PRKCD: variants seen among roughly 807,000 people sequenced by gnomAD.
The protein encoded by PRKCD is protein kinase C delta.
Under a neutral mutation model 82.2 loss-of-function variants are expected in PRKCD, and 20 were observed. That is an observed-to-expected ratio of 0.24 (90% CI 0.17 to 0.35). The LOEUF is 0.35. Ranked by LOEUF, PRKCD falls within the 10% of genes least tolerant of loss-of-function variation. The pLI, the probability that PRKCD is intolerant of heterozygous loss-of-function variation, is 1.00. For synonymous variants in PRKCD, 317 were observed against 337.0 expected, an observed-to-expected ratio of 0.94 and a Z score of 0.65; for missense variants, 607 against 899.0, an observed-to-expected ratio of 0.68 and a Z score of 4.15.
chr3:53,179,510 C>G (rs778780380), intron 3 of PRKCD, 67 bp from the exon 4 acceptor site: 20 of 1,593,936 alleles, frequency 1.3e-5, no homozygotes, highest in Non-Finnish European at 1.6e-5. Flanking sequence ...AGGGGAAGGC[C>G]GTGGAGGTCT....
chr3:53,183,714 G>A (rs1703558608), intron 9 of PRKCD, 133 bp downstream of exon 9: 3 of 1,314,978 alleles, frequency 2.3e-6, no homozygotes, highest in South Asian at 1.4e-5. Context: ...TGATGAGGGT[G>A]AGGCCTTGGT....
At chr3:53,186,490 A>G in intron 13 of PRKCD, 114 bp from the exon 14 acceptor site, 1 of 1,378,382 alleles carries the variant, frequency 7.3e-7, no homozygotes, top group Non-Finnish European at 1.0e-6. Context: ...AGAGTCGTCC[A>G]CCTCAGCCAG....
rs782458851 is a variant in PRKCD, at chr3:53,189,185, G to T, written c.1682G>T (p.Arg561Leu). Residue 561 changes from arginine (R) to leucine (L), a missense_variant, in exon 17 of 19, where the codon CGT becomes CTT. Arg to Leu is a moderately radical substitution (Grantham distance 102). Around this residue, in one of 5 missense-constraint regions of PRKCD, gnomAD observed 251 missense variants for 423.9 expected, o/e 0.59. Coordinates refer to ENST00000330452, the MANE Select transcript of PRKCD (RefSeq NM_006254.4). ...GAGGATGAACTCTTCGAGTCCATCCGTGTGGACACGCCACATTATCCCCGC... is the reference window on the plus strand; with the variant it reads ...GAGGATGAACTCTTCGAGTCCATCCTTGTGGACACGCCACATTATCCCCGC... The part of the protein sequence containing the change: ...DDEDELFESI[R>L]VDTPHYPRWI... 2 of 1,614,068 alleles carry T rather than the reference G, an allele frequency of 1.2e-6. No homozygotes were observed. The highest frequency in any genetic ancestry group is 2.2e-5 in the South Asian group (2 of 91,072).
In PRKCD at chr3:53,181,187, T is replaced by TGGCCTCTG. The variant is rs1553667366; in HGVS notation, c.316-18_316-11dup. ...TGCCCTCACTGACCTTGTTCTCCCC[T>TGGCCTCTG]GGCCTCTGGCCCCCAACAGCTGGAC... On this transcript the variant is annotated intron_variant, in intron 4 of 18. Coordinates refer to ENST00000330452, the MANE Select transcript of PRKCD (RefSeq NM_006254.4). The TGGCCTCTG allele has an allele frequency of 6.2e-7, 1 of 1,612,128 alleles. No homozygotes were observed. Among genetic ancestry groups the TGGCCTCTG allele is most frequent in the East Asian group, 2.2e-5 (1 of 44,808 alleles).
intron 18 of PRKCD, among the ~76,000 whole-genome samples, chr3:53,191,609 A>G (rs1011506391): frequency 1.1e-4 from 16 of 152,180 alleles, no homozygotes; most frequent in African/African-American, 3.9e-4. Context: ...CTGATAGTAT[A>G]TATTTTAGGC....
At chr3:53,166,477 A>G (rs556584160) in intron 2 of PRKCD, among the ~76,000 whole-genome samples, 1 of 152,330 alleles carries the variant, frequency 6.6e-6, no homozygotes, top group Non-Finnish European at 1.5e-5. Flanking sequence ...GCTAGGCTGC[A>G]GTGGGCATGC....
chr3:53,177,214 T>G (rs1005708643), intron 2 of PRKCD, among the ~76,000 whole-genome samples: 1 of 152,174 alleles, frequency 6.6e-6, no homozygotes, highest in Admixed American at 6.5e-5. Context: ...TGCCTTGAAC[T>G]CTTGGCCTCA....
At position 53,179,653 on chromosome 3, in the gene PRKCD, T is replaced by C. The variant is rs373034483; in HGVS notation, c.192T>C (p.Tyr64=). The part of the protein sequence containing the change: ...EWKSTFDAHI[Y]EGRVIQIVLM... ...AGTCGACGTTCGATGCCCACATCTA[T>C]GAGGGGCGCGTCATCCAGATTGTGC... The change falls in exon 4 of 19, where the codon TAT becomes TAC. Residue 64 remains tyrosine, a synonymous_variant. Transcript: ENST00000330452. 3.1e-6 allele frequency: 5 copies of C among 1,613,850 alleles called. No homozygotes were observed. The highest frequency in any genetic ancestry group is 4.2e-6 in the Non-Finnish European group (5 of 1,179,942).
At position 53,181,913 on chromosome 3, in the gene PRKCD, A is replaced by G. The variant is rs1244432389; in HGVS notation, c.571+181A>G. On this transcript the variant is annotated intron_variant, in intron 7 of 18. Coordinates refer to ENST00000330452, the MANE Select transcript of PRKCD (RefSeq NM_006254.4). ...GGCTGGCTTGCTGCTGCTCTGGAAAACCAGTTCTGCGCATCTCTTCCCAGC... is the reference window on the plus strand; with the variant it reads ...GGCTGGCTTGCTGCTGCTCTGGAAAGCCAGTTCTGCGCATCTCTTCCCAGC... 3 of 904,378 alleles carry G rather than the reference A, an allele frequency of 3.3e-6. No individual in the cohort carries two copies. In the East Asian group the frequency reaches 7.9e-5, roughly 24 times the overall value. 56.0% of individuals were successfully genotyped at this position (904,378 alleles called of 1,614,324 possible).
intron 1 of PRKCD, among the ~76,000 whole-genome samples, chr3:53,162,216 C>A (rs1428944385): frequency 6.6e-6 from 1 of 152,104 alleles, no homozygotes; most frequent in Non-Finnish European, 1.5e-5. Context: ...GTACTCGCCC[C>A]CAACCCAGAT....
intron 2 of PRKCD, among the ~76,000 whole-genome samples, chr3:53,166,516 G>A (rs1410265768): frequency 1.3e-5 from 2 of 152,184 alleles, no homozygotes; most frequent in South Asian, 2.1e-4. Flanking sequence ...GTTCCTGTAC[G>A]TGCACCACAC....
In PRKCD at chr3:53,170,170, G is replaced by A. The variant is rs150161711; in HGVS notation, c.-20+4955G>A. Among the ~76,000 whole-genome samples, 534 of 152,344 alleles carry A rather than the reference G, an allele frequency of 3.5e-3. 4 individuals are homozygous for A. The highest frequency in any genetic ancestry group is 0.012 in the African/African-American group (510 of 41,576). On this transcript the variant is annotated intron_variant, in intron 2 of 18. Transcript: ENST00000330452. ...CTCTGTGGGAGAAAGAAGGGCTAAGGAGTAGGGCTCTTGTACTGGGGGCTG... is the reference window on the plus strand; with the variant it reads ...CTCTGTGGGAGAAAGAAGGGCTAAGAAGTAGGGCTCTTGTACTGGGGGCTG...
intron 18 of PRKCD, among the ~76,000 whole-genome samples, chr3:53,190,310 A>C (rs1703881853): frequency 6.6e-6 from 1 of 152,204 alleles, no homozygotes; most frequent in African/African-American, 2.4e-5. Context: ...TCCCTGTTGA[A>C]TGCAGAGCAC....
chr3:53,171,032 A>T (rs1433025697), intron 2 of PRKCD, among the ~76,000 whole-genome samples: 1 of 151,854 alleles, frequency 6.6e-6, no homozygotes, highest in African/African-American at 2.4e-5. Context: ...TGTGTGTCTA[A>T]TGTCGAGTGG....
chr3:53,187,527 C>G (rs1703754080), intron 15 of PRKCD, 125 bp downstream of exon 15: 7 of 1,150,392 alleles, frequency 6.1e-6, no homozygotes, highest in Non-Finnish European at 8.7e-6. Flanking sequence ...CAATCTTTAG[C>G]TGGGTATTTG....
rs781828807 is a variant in PRKCD, at chr3:53,185,950, A to T, written c.1009A>T (p.Ile337Phe). 1.2e-6 allele frequency: 2 copies of T among 1,614,080 alleles called. No homozygotes were observed. Among genetic ancestry groups the T allele is most frequent in the African/African-American group, 1.3e-5 (1 of 74,934 alleles). ...MQDNSGTYGK[I>F]WEGSSKCNIN... ...AGACAACAGTGGGACCTACGGCAAG[A>T]TCTGGGAGGGCAGCAGCAAGTGCAA... Residue 337 changes from isoleucine (I) to phenylalanine (F), a missense_variant, in exon 12 of 19, where the codon ATC becomes TTC. Around this residue, in one of 5 missense-constraint regions of PRKCD, gnomAD observed 85 missense variants for 76.1 expected, o/e 1.12. Transcript: ENST00000330452.
chr3:53,191,345 T>C (rs1703918564), intron 18 of PRKCD, among the ~76,000 whole-genome samples: 1 of 151,942 alleles, frequency 6.6e-6, no homozygotes, highest in African/African-American at 2.4e-5. Flanking sequence ...GAGGTGGAGG[T>C]TGCAGTGAGC....
intron 2 of PRKCD, among the ~76,000 whole-genome samples, chr3:53,172,600 G>A (rs1446940138): frequency 6.6e-6 from 1 of 152,228 alleles, no homozygotes; most frequent in African/African-American, 2.4e-5. Context: ...TCCGTGGCAG[G>A]TGTCAGGTGT....
At chr3:53,164,909 G>A (rs1362811801) in intron 1 of PRKCD, among the ~76,000 whole-genome samples, 195 bp from the exon 2 acceptor site, 2 of 152,108 alleles carry the variant, frequency 1.3e-5, no homozygotes, top group African/African-American at 4.8e-5. Context: ...ACCATGGAGT[G>A]GACAAATAGT....
Sources: allele counts gnomAD v4.1 joint callset (sites outside exome capture counted in the v4.1 genomes callset), GRCh38; gene constraint gnomAD v4.1.1; regional missense constraint gnomAD v4.1.1; transcripts MANE v1.5; gene names NCBI Gene and HGNC (gene_info 2026-07-23, HGNC 2026-07-21).